Variants in SP2 observed in about 807,000 individuals in gnomAD.
The protein encoded by SP2 is Sp2 transcription factor.
In SP2, 9 loss-of-function variants were observed where a neutral mutation model predicts 50.1. The observed-to-expected ratio is 0.18, with a 90% CI of 0.11 to 0.31. The LOEUF is 0.31. Ranked by LOEUF, SP2 falls within the 10% of genes least tolerant of loss-of-function variation. The pLI is 1.00. For missense variants in SP2, 581 were observed against 806.5 expected (o/e 0.72, Z 3.39); for synonymous variants, 313 against 326.6 (o/e 0.96, Z 0.45).
In SP2 at chr17:47,927,880, G is replaced by C. The variant is rs2035713295; in HGVS notation, c.*56G>C. The C allele has an allele frequency of 9.1e-7, 1 of 1,092,986 alleles. No homozygotes were observed. The highest frequency in any genetic ancestry group is 1.4e-6 in the Non-Finnish European group (1 of 728,972). The allele number at this position is 1,092,986 out of a possible 1,614,324, so 67.7% of individuals were successfully genotyped here. ...CAGTCCCCCACCTGTGTCCTCCCTG[G>C]GCCCCTGGTGGAAAGGAGCCCTGTG... On this transcript the variant is annotated 3_prime_UTR_variant, in exon 7 of 7. Transcript: ENST00000376741.
chr17:47,898,624 G>A (rs1289776312), intron 1 of SP2: 2 of 151,978 alleles, frequency 1.3e-5, no homozygotes, highest in African/African-American at 2.4e-5. Context: ...CCCCTTTTCT[G>A]TATACACAAA....
intron 1 of SP2, among the ~76,000 whole-genome samples, chr17:47,913,602 C>G (rs1432581958): frequency 6.6e-6 from 1 of 152,096 alleles, no homozygotes; most frequent in African/African-American, 2.4e-5. Context: ...GGGACGGGGT[C>G]TAACTGTGTT....
chr17:47,927,673 G>GACAGGGTCTGTGC, intron 6 of SP2, 51 bp from the exon 7 acceptor site: 1 of 1,324,196 alleles, frequency 7.6e-7, no homozygotes, highest in Non-Finnish European at 1.1e-6. Flanking sequence ...TTTGGGCAGA[G>GACAGGGTCTGTGC]ACAGGGTCTG....
In SP2 at chr17:47,925,405, G is replaced by A. The variant is rs774012322; in HGVS notation, c.1605G>A (p.Thr535=). 1.1e-5 allele frequency: 18 copies of A among 1,614,098 alleles called. No homozygotes were observed. The highest frequency in any genetic ancestry group is 2.2e-5 in the East Asian group (1 of 44,904). ...HVCHIPDCGK[T]FRKTSLLRAH... ...GCCACATCCCCGACTGTGGCAAGAC[G>A]TTCCGTAAGACGTCCTTGCTGCGTG... The change falls in exon 6 of 7, where the codon ACG becomes ACA. Residue 535 remains threonine (T), a synonymous_variant. Transcript: ENST00000376741.
chr17:47,897,444 G>A (rs2143735403), intron 1 of SP2: 1 of 152,322 alleles, frequency 6.6e-6, no homozygotes, highest in Non-Finnish European at 1.5e-5. Flanking sequence ...TTGTTTCCTA[G>A]AGAAAGGTAT....
At chr17:47,905,465 C>T (rs1407388731) in intron 1 of SP2, among the ~76,000 whole-genome samples, 3 of 152,218 alleles carry the variant, frequency 2.0e-5, no homozygotes, top group East Asian at 1.9e-4. Context: ...CCGAGTTACC[C>T]CCAAGGCCTG....
chr17:47,929,883 A>G (rs2144126169), downstream of SP2: 1 of 152,542 alleles, frequency 6.6e-6, no homozygotes, highest in Non-Finnish European at 1.5e-5. Flanking sequence ...GTTTTGAGCT[A>G]TCCATTCCCC....
chr17:47,921,531 C>A (rs1450464921), intron 3 of SP2, among the ~76,000 whole-genome samples: 1 of 152,198 alleles, frequency 6.6e-6, no homozygotes, highest in Non-Finnish European at 1.5e-5. Context: ...GGATTACAGG[C>A]GTGAACTACT....
chr17:47,915,182 C>T, intron 1 of SP2, 130 bp from the exon 2 acceptor site: 1 of 651,638 alleles, frequency 1.5e-6, no homozygotes, highest in Non-Finnish European at 2.7e-6. Context: ...CACTACACTC[C>T]AGCCTGGGCA....
intron 3 of SP2, among the ~76,000 whole-genome samples, chr17:47,922,044 C>CT (rs1356643731): frequency 6.6e-6 from 1 of 152,194 alleles, no homozygotes; most frequent in Non-Finnish European, 1.5e-5. Flanking sequence ...ACCAATGTCT[C>CT]TAATTCCCAT....
intron 1 of SP2, among the ~76,000 whole-genome samples, chr17:47,913,087 C>T (rs905811954): frequency 1.3e-5 from 2 of 152,138 alleles, no homozygotes; most frequent in Non-Finnish European, 1.5e-5. Flanking sequence ...TCTCTAACTC[C>T]TGAGCTCAGG....
intron 1 of SP2, among the ~76,000 whole-genome samples, chr17:47,911,624 T>G (rs1358916856): frequency 6.6e-6 from 1 of 151,400 alleles, no homozygotes; most frequent in African/African-American, 2.4e-5. Context: ...CTGGCTAACA[T>G]GAAACCCCCT....
chr17:47,916,251 A>G lies in SP2; in HGVS notation c.180A>G (p.Pro60=). 1 of 1,613,898 alleles carries G rather than the reference A, an allele frequency of 6.2e-7. No individual in the cohort carries two copies. Among genetic ancestry groups the G allele is most frequent in the Non-Finnish European group, 8.5e-7 (1 of 1,179,982 alleles). ...CTGCTGTGACACCTCCTGCTCCCCCACAGCCCACACCGCGGAAACTTGTCC... is the reference window on the plus strand; with the variant it reads ...CTGCTGTGACACCTCCTGCTCCCCCGCAGCCCACACCGCGGAAACTTGTCC... ...VEAAVTPPAP[P]QPTPRKLVPI... The change falls in exon 3 of 7, where the codon CCA becomes CCG. Residue 60 remains proline (P), a synonymous_variant. Transcript: ENST00000376741. This position sits in a 1 kb window ranked among gnomAD's most constrained non-coding sequence, Gnocchi z 4.7.
chr17:47,903,042 C>T (rs917839074), intron 1 of SP2, among the ~76,000 whole-genome samples: 1 of 152,202 alleles, frequency 6.6e-6, no homozygotes, highest in Non-Finnish European at 1.5e-5. Flanking sequence ...AGGCGTGAGC[C>T]ACAGCGCCCA....
At chr17:47,920,570 G>C (rs1217882855) in intron 3 of SP2, among the ~76,000 whole-genome samples, 1 of 152,092 alleles carries the variant, frequency 6.6e-6, no homozygotes, top group Non-Finnish European at 1.5e-5. Context: ...ACAGGCATGA[G>C]CCACCGCACC....
chr17:47,925,937 G>T (rs1219869662), intron 6 of SP2, among the ~76,000 whole-genome samples: 6 of 98,350 alleles, frequency 6.1e-5, no homozygotes, highest in East Asian at 3.5e-4. Flanking sequence ...TTTTTTTGGA[G>T]ATGGAGTTTC....
chr17:47,921,502 T>C (rs1199887572), intron 3 of SP2, among the ~76,000 whole-genome samples: 1 of 152,262 alleles, frequency 6.6e-6, no homozygotes, highest in Non-Finnish European at 1.5e-5. Context: ...TCCGCCTGCC[T>C]TGGCCTCCCA....
chr17:47,914,426 G>A (rs370286927), intron 1 of SP2, among the ~76,000 whole-genome samples: 6 of 151,926 alleles, frequency 3.9e-5, no homozygotes, highest in South Asian at 2.1e-4. Context: ...TGGGGACAAC[G>A]GCCTTTGTGG....
intron 1 of SP2, among the ~76,000 whole-genome samples, chr17:47,912,821 G>T (rs992221389): frequency 4.6e-5 from 7 of 151,970 alleles, no homozygotes; most frequent in African/African-American, 1.7e-4. Flanking sequence ...GCCAAAATGT[G>T]AACGGTTCTG....
Sources: allele counts gnomAD v4.1 joint callset (sites outside exome capture counted in the v4.1 genomes callset), GRCh38; gene constraint gnomAD v4.1.1; non-coding constraint Gnocchi (gnomAD v3.1); transcripts MANE v1.5; gene names NCBI Gene and HGNC (gene_info 2026-07-23, HGNC 2026-07-21).